Variants in KRT72 observed in about 807,000 individuals in gnomAD.
KRT72 encodes the protein keratin, type II cytoskeletal 72.
Under a neutral mutation model 44.7 loss-of-function variants are expected in KRT72, and 44 were observed. The observed-to-expected ratio is 0.98, with a 90% CI of 0.77 to 1.27. KRT72 has a LOEUF of 1.27. KRT72 is among the 50% of genes most tolerant of loss of function. The pLI, the probability that KRT72 is intolerant of heterozygous loss-of-function variation, is 0.00. For synonymous variants in KRT72, 302 were observed against 280.4 expected (o/e 1.08, Z -0.77); for missense variants, 736 against 667.1 (o/e 1.10, Z -1.14).
chr12:52,600,990 G>A (rs967665817), intron 1 of KRT72, 37 bp downstream of exon 1: 3 of 1,602,368 alleles, frequency 1.9e-6, no homozygotes, highest in East Asian at 4.5e-5. Context: ...GTGCACATGC[G>A]CCCAACGCAG....
chr12:52,592,268 A>G, intron 4 of KRT72, 128 bp downstream of exon 4: 1 of 690,642 alleles, frequency 1.4e-6, no homozygotes. Flanking sequence ...GGCCTTGGTG[A>G]ATGTCAGGGG....
At chr12:52,602,678 C>A (rs377471181), upstream of KRT72, among the ~76,000 whole-genome samples, 83 of 152,334 alleles carry the variant, frequency 5.4e-4, 3 homozygotes, top group South Asian at 0.017. Flanking sequence ...CAGTGCTCAG[C>A]CCAGGCCTTG....
chr12:52,597,284 C>T (rs984004730), intron 2 of KRT72, among the ~76,000 whole-genome samples: 5 of 152,166 alleles, frequency 3.3e-5, no homozygotes, highest in East Asian at 1.9e-4. Flanking sequence ...TACAATGATG[C>T]TTAAGACATA....
rs1488750311 is a variant in KRT72, at chr12:52,587,647, C to CCAG, written c.1291_1293dup (p.Leu431dup). 1 of 1,614,104 alleles carries CCAG rather than the reference C, an allele frequency of 6.2e-7. No individual in the cohort carries two copies. The highest frequency in any genetic ancestry group is 8.5e-7 in the Non-Finnish European group (1 of 1,180,052). On this transcript the variant is annotated inframe_insertion, in exon 7 of 9. Transcript: ENST00000293745. ...GCCCCTCACCTGCACTCCTCGCTCTCCAGCAGCTTGCGGTAGGTGGCGATC... is the reference window on the plus strand; with the variant it reads ...GCCCCTCACCTGCACTCCTCGCTCTCCAGCAGCAGCTTGCGGTAGGTGGCGATC...
intron 1 of KRT72, 63 bp downstream of exon 1, chr12:52,600,964 C>A: frequency 1.3e-6 from 2 of 1,553,390 alleles, no homozygotes; most frequent in Non-Finnish European, 1.7e-6. Flanking sequence ...TCGCCAGTGG[C>A]AGAGCCAGCA....
rs768784477 is a variant in KRT72, at chr12:52,598,889, C to A, written c.641+9G>T. On this transcript the variant is annotated intron_variant, in intron 2 of 8. Transcript: ENST00000293745. Reference sequence around the variant, plus strand: ...TCCTCCAGGGCCATATTCCCTGCCACTCACTCACCTCTTCTTGTAGTCCTC... The same window carrying A: ...TCCTCCAGGGCCATATTCCCTGCCAATCACTCACCTCTTCTTGTAGTCCTC... The A allele has an allele frequency of 5.0e-6, 8 of 1,613,194 alleles. No individual in the cohort carries two copies. Among genetic ancestry groups the A allele is most frequent in the Non-Finnish European group, 5.9e-6 (7 of 1,179,122 alleles).
At position 52,601,127 on chromosome 12, in the gene KRT72, G is replaced by T; in HGVS notation, c.326C>A (p.Pro109Gln). 1 of 1,613,408 alleles carries T rather than the reference G, an allele frequency of 6.2e-7. No individual in the cohort carries two copies. Among genetic ancestry groups the T allele is most frequent in the Non-Finnish European group, 8.5e-7 (1 of 1,179,752 alleles). The change falls in exon 1 of 9, where the codon CCG (proline) becomes CAG (glutamine). Residue 109 changes from proline (P) to glutamine (Q), a missense_variant. Transcript: ENST00000293745. ...CTCGGGGTCCATCTCCACGTTGAGC[G>T]GGGCCAGGAGGCTCTTGTTGACGGT... ...QVTVNKSLLA[P>Q]LNVEMDPEIQ... is the part of the protein sequence containing the mutation.
In KRT72 at chr12:52,590,911, G is replaced by A. The variant is rs1166883886; in HGVS notation, c.1014C>T (p.Leu338=). The change falls in exon 6 of 9, where the codon CTC becomes CTT. Residue 338 remains leucine (L), a synonymous_variant. Coordinates refer to ENST00000293745, the MANE Select transcript of KRT72 (RefSeq NM_080747.3). ...TGAGCTCAGAGATTTCAGCCTTGGTGAGCTTGAGGTCATCCCCATGCTGGC... is the reference window on the plus strand; with the variant it reads ...TGAGCTCAGAGATTTCAGCCTTGGTAAGCTTGAGGTCATCCCCATGCTGGC... ...TAGQHGDDLK[L]TKAEISELNR... 21 of 1,608,072 alleles carry A rather than the reference G, an allele frequency of 1.3e-5. No individual in the cohort carries two copies. The highest frequency in any genetic ancestry group is 1.7e-5 in the Non-Finnish European group (20 of 1,175,592).
At position 52,601,352 on chromosome 12, in the gene KRT72, A is replaced by T. The variant is rs1287406263; in HGVS notation, c.101T>A (p.Phe34Tyr). 1.3e-6 allele frequency: 2 copies of T among 1,544,238 alleles called. No homozygotes were observed. The highest frequency in any genetic ancestry group is 8.7e-7 in the Non-Finnish European group (1 of 1,146,768). ...GGCCGAGCCCTTGACCCGGGCCCGG[A>T]ATGAGGCGGAGCTGCTGCCGATCCC... ...SGGIGSSSAS[F>Y]RARVKGSASF... The change falls in exon 1 of 9, where the codon TTC (phenylalanine) becomes TAC (tyrosine). Residue 34 changes from phenylalanine to tyrosine, a missense_variant. By Grantham distance (22) the Phe-to-Tyr change is conservative. Transcript: ENST00000293745.
rs1475221232 is a variant in KRT72 at position 52,585,637 on chromosome 12, CA to C, written c.*344del. On this transcript the variant is annotated 3_prime_UTR_variant, in exon 9 of 9. Coordinates refer to ENST00000293745, the MANE Select transcript of KRT72 (RefSeq NM_080747.3). Reference sequence around the variant, plus strand: ...AGAAGCAGAGGACTGGACACAATCCCAATCAGAAGATGAAGAGAGTCCCTTG... The same window carrying C: ...AGAAGCAGAGGACTGGACACAATCCCATCAGAAGATGAAGAGAGTCCCTTG... The C allele has an allele frequency of 4.6e-6, 1 of 218,896 alleles. No homozygotes were observed. Among genetic ancestry groups the C allele is most frequent in the Non-Finnish European group, 9.0e-6 (1 of 110,674 alleles). 13.6% of individuals were successfully genotyped at this position (218,896 alleles called of 1,614,324 possible).
rs368648240 is a variant in KRT72, at chr12:52,587,881, A to G, written c.1090-30T>C. The G allele has an allele frequency of 3.1e-5, 49 of 1,601,264 alleles. No homozygotes were observed. The African/African-American group carries it at 4.8e-4, about 16-fold the overall frequency. On this transcript the variant is annotated intron_variant, in intron 6 of 8. Coordinates refer to ENST00000293745, the MANE Select transcript of KRT72 (RefSeq NM_080747.3). ...GGGGCAAACAGATCCAGCACTTAAG[A>G]GTCAGAGCCCAGTTCTGAGATCTTG...
chr12:52,602,819 G>A (rs1940522086), upstream of KRT72, among the ~76,000 whole-genome samples: 1 of 152,310 alleles, frequency 6.6e-6, no homozygotes, highest in Middle Eastern at 3.4e-3. Context: ...ATGGTACCTG[G>A]GGGTAATTGG....
intron 7 of KRT72, 120 bp from the exon 8 acceptor site, chr12:52,587,100 C>T (rs1459988007): frequency 3.4e-6 from 3 of 879,464 alleles, no homozygotes; most frequent in African/African-American, 1.7e-5. Flanking sequence ...CCATCCTAGC[C>T]TCCTTTCTTC....
At chr12:52,595,262 A>G (rs992985893) in intron 2 of KRT72, among the ~76,000 whole-genome samples, 5 of 152,122 alleles carry the variant, frequency 3.3e-5, no homozygotes, top group African/African-American at 1.2e-4. Flanking sequence ...ATAACTTATT[A>G]TTTAAAAATA....
rs1197935738 is a variant in KRT72 at position 52,590,955 on chromosome 12, C to A, written c.970G>T (p.Glu324Ter). The A allele has an allele frequency of 6.3e-7, 1 of 1,591,074 alleles. No individual in the cohort carries two copies. Among genetic ancestry groups the A allele is most frequent in the South Asian group, 1.1e-5 (1 of 87,640 alleles). ...AETLYQTKIQ[E>*]LQVTAGQHGD... ...TGCTGGCCTGCTGTGACCTGCAGCT[C>A]CTGGATCTGAGGTTGGGTGACAAGA... The change falls in exon 6 of 9, where the codon GAG becomes TAG. Residue 324 changes from glutamate (E) to a stop codon, truncating the protein, a stop_gained. Coordinates refer to ENST00000293745, the MANE Select transcript of KRT72 (RefSeq NM_080747.3). LOFTEE classifies it high-confidence loss of function.
rs764467430 is a variant in KRT72 at position 52,592,376 on chromosome 12, G to A, written c.798+20C>T. The A allele has an allele frequency of 2.6e-6, 4 of 1,525,588 alleles. No individual in the cohort carries two copies. Among genetic ancestry groups the A allele is most frequent in the African/African-American group, 2.7e-5 (2 of 73,168 alleles). 94.5% of individuals were successfully genotyped at this position (1,525,588 alleles called of 1,614,324 possible). ...TGTTAAAGGAGCAGATCTCACAAGA[G>A]AGGTCAGCCAAGTCCTTACCCCTTC... On this transcript the variant is annotated intron_variant, in intron 4 of 8. Coordinates refer to ENST00000293745, the MANE Select transcript of KRT72 (RefSeq NM_080747.3).
chr12:52,595,501 G>A (rs1369194278), intron 2 of KRT72, among the ~76,000 whole-genome samples: 1 of 152,106 alleles, frequency 6.6e-6, no homozygotes, highest in East Asian at 1.9e-4. Context: ...AATGAAGTCA[G>A]GATTTTTCTG....
rs144292815 is a variant in KRT72 at position 52,586,122 on chromosome 12, C to T, written c.1396G>A (p.Gly466Ser). The T allele has an allele frequency of 1.9e-6, 3 of 1,614,064 alleles. No individual in the cohort carries two copies. Among genetic ancestry groups the T allele is most frequent in the African/African-American group, 1.3e-5 (1 of 74,948 alleles). Residue 466 changes from glycine (G) to serine (S), a missense_variant, in exon 9 of 9, where the codon GGC becomes AGC. Physicochemically the swap from Gly to Ser is moderately conservative, Grantham distance 56. Coordinates refer to ENST00000293745, the MANE Select transcript of KRT72 (RefSeq NM_080747.3). Reference protein sequence around the residue: ...AGAGGAGFSMGFGASSSYSYK... With the variant: ...AGAGGAGFSMSFGASSSYSYK... ...CTATAACTGCTTGAGGCGCCAAAGC[C>T]CATGCTGAAGCCAGCCCCTCCTGCC... is the stretch of plus-strand genomic sequence containing the variant.
chr12:52,597,093 T>C (rs569375562), intron 2 of KRT72, among the ~76,000 whole-genome samples: 1 of 152,298 alleles, frequency 6.6e-6, no homozygotes, highest in Admixed American at 6.5e-5. Context: ...TCTCAATGAG[T>C]GATGTGGCTA....
Sources: allele counts gnomAD v4.1 joint callset (sites outside exome capture counted in the v4.1 genomes callset), GRCh38; gene constraint gnomAD v4.1.1; transcripts MANE v1.5; gene names NCBI Gene and HGNC (gene_info 2026-07-23, HGNC 2026-07-21).